DLGAP2: variants seen among roughly 807,000 people sequenced by gnomAD.
DLGAP2 encodes the protein DLG associated protein 2.
In DLGAP2, 26 loss-of-function variants were observed where a neutral mutation model predicts 100.3. The observed-to-expected ratio is 0.26, with a 90% CI of 0.19 to 0.36. The LOEUF (loss-of-function observed/expected upper bound fraction) is 0.36. DLGAP2 is among the 10% of genes least tolerant of loss of function. The pLI is 1.00. For synonymous variants in DLGAP2, 886 were observed against 630.1 expected, an observed-to-expected ratio of 1.41 and a Z score of -6.08; for missense variants, 1,858 against 1,453.2, an observed-to-expected ratio of 1.28 and a Z score of -4.53.
intron 12 of DLGAP2, among the ~76,000 whole-genome samples, chr8:1,691,003 A>G (rs1229763876): frequency 6.6e-6 from 1 of 152,158 alleles, no homozygotes; most frequent in Non-Finnish European, 1.5e-5. Flanking sequence ...TTCCTACGTA[A>G]CACACACCTC....
At chr8:1,265,431 G>A (rs1355502135) in intron 3 of DLGAP2, among the ~76,000 whole-genome samples, 1 of 152,116 alleles carries the variant, frequency 6.6e-6, no homozygotes, top group African/African-American at 2.4e-5. Flanking sequence ...AAATATAAAG[G>A]GAAATAGAAG....
At chr8:1,355,407 C>T (rs182197989) in intron 3 of DLGAP2, among the ~76,000 whole-genome samples, 5 of 152,158 alleles carry the variant, frequency 3.3e-5, no homozygotes, top group African/African-American at 1.2e-4. Context: ...CTCTGTCACC[C>T]AGGTTGGAGT....
intron 2 of DLGAP2, among the ~76,000 whole-genome samples, chr8:1,125,590 A>G (rs1796146186): frequency 6.6e-6 from 1 of 152,238 alleles, no homozygotes; most frequent in African/African-American, 2.4e-5. Flanking sequence ...TCTGATTCAA[A>G]TCTAACATTA....
intron 3 of DLGAP2, among the ~76,000 whole-genome samples, chr8:1,260,085 CTG>C (rs1415846269): frequency 6.6e-6 from 1 of 152,020 alleles, no homozygotes; most frequent in Non-Finnish European, 1.5e-5. Context: ...CGGGTGGAGC[CTG>C]GGATGCTGGT....
Position 1,251,451 on chromosome 8 carries a change from A to G in DLGAP2, c.74-7400A>G, listed in dbSNP as rs539823767. ...ATCCACAAATTGTATTTACTGATTT[A>G]TTTTTGAGACAGGGTCTCTGTCTGT... On this transcript the variant is annotated intron_variant, in intron 2 of 14. Transcript: ENST00000637795. 3.3e-5 allele frequency among the ~76,000 whole-genome samples: 5 copies of G among 152,260 alleles called. No homozygotes were observed. In the South Asian group the frequency reaches 8.3e-4, roughly 25 times the overall value.
chr8:1,585,456 A>G lies in DLGAP2; in HGVS notation c.1442+19562A>G, dbSNP rs901252314. Among the ~76,000 whole-genome samples, 4 of 152,162 alleles carry G rather than the reference A, an allele frequency of 2.6e-5. No homozygotes were observed. The East Asian group carries it at 7.7e-4, about 29-fold the overall frequency. ...TCCAGCCTGGGCAAAAGACCGAAAA[A>G]GAAAAAAAAATACTCCTTAGGGCTG... On this transcript the variant is annotated intron_variant, in intron 6 of 14. Transcript: ENST00000637795.
At chr8:1,325,965 A>G (rs1022795239) in intron 3 of DLGAP2, among the ~76,000 whole-genome samples, 12 of 152,168 alleles carry the variant, frequency 7.9e-5, no homozygotes, top group African/African-American at 2.2e-4. Context: ...TATAAGGCCC[A>G]TGGGAATGTG....
intron 6 of DLGAP2, among the ~76,000 whole-genome samples, chr8:1,570,980 G>GA (rs1802640941): frequency 6.9e-6 from 1 of 145,356 alleles, no homozygotes. Flanking sequence ...GAACTGTGGG[G>GA]CGTCTGATGA....
At chr8:1,173,577 C>A (rs1797179719) in intron 2 of DLGAP2, among the ~76,000 whole-genome samples, 1 of 152,174 alleles carries the variant, frequency 6.6e-6, no homozygotes, top group South Asian at 2.1e-4. Context: ...CTAAGCAAGC[C>A]TGGGCAATGG....
At chr8:1,556,580 C>T (rs753492717) in intron 5 of DLGAP2, among the ~76,000 whole-genome samples, 1 of 152,170 alleles carries the variant, frequency 6.6e-6, no homozygotes, top group Non-Finnish European at 1.5e-5. Context: ...TGTGAATGAT[C>T]CTGGAAGGGC....
At chr8:766,134 T>G (rs371745752) in intron 1 of DLGAP2, among the ~76,000 whole-genome samples, 8 of 152,050 alleles carry the variant, frequency 5.3e-5, no homozygotes, top group African/African-American at 1.7e-4. Flanking sequence ...GCCATTACAC[T>G]CCAGCCTGAG....
At chr8:1,295,695 A>T (rs1800156619) in intron 3 of DLGAP2, among the ~76,000 whole-genome samples, 1 of 152,104 alleles carries the variant, frequency 6.6e-6, no homozygotes, top group East Asian at 1.9e-4. Context: ...AAATAGAAGA[A>T]AACCCACTCC....
intron 3 of DLGAP2, among the ~76,000 whole-genome samples, chr8:1,282,173 C>A (rs78883750): frequency 0.068 from 10,076 of 148,368 alleles, 1,074 homozygotes; most frequent in African/African-American, 0.23. Flanking sequence ...GTGGTGTGAC[C>A]TGAACCCAGC....
chr8:1,549,856 T>G (rs1293859469), intron 5 of DLGAP2, among the ~76,000 whole-genome samples, 173 bp downstream of exon 5: 1 of 152,264 alleles, frequency 6.6e-6, no homozygotes, highest in Non-Finnish European at 1.5e-5. Context: ...ACACACGCAT[T>G]ACCTTACATA....
chr8:846,060 A>G (rs1010417537), intron 1 of DLGAP2, among the ~76,000 whole-genome samples: 1 of 152,248 alleles, frequency 6.6e-6, no homozygotes, highest in East Asian at 1.9e-4. Context: ...GTTTTAATAC[A>G]TGTATAAATT....
chr8:1,324,471 G>C (rs1007582911), intron 3 of DLGAP2, among the ~76,000 whole-genome samples: 1 of 152,134 alleles, frequency 6.6e-6, no homozygotes, highest in Non-Finnish European at 1.5e-5. Context: ...GCGTTCAAGC[G>C]ACATGTTTCC....
intron 6 of DLGAP2, among the ~76,000 whole-genome samples, chr8:1,567,952 A>G (rs546561119): frequency 1.3e-5 from 2 of 152,300 alleles, no homozygotes; most frequent in East Asian, 3.9e-4. Context: ...AATGGGTGAG[A>G]TGTGCTGCCT....
intron 2 of DLGAP2, among the ~76,000 whole-genome samples, chr8:1,144,257 C>G (rs1453931599): frequency 6.6e-6 from 1 of 152,202 alleles, no homozygotes; most frequent in Non-Finnish European, 1.5e-5. Context: ...TATCTGGACA[C>G]AGATGGAGAA....
In DLGAP2 at chr8:1,647,488, C is replaced by CAAAAAA. The variant is rs567451595; in HGVS notation, c.1810+14475_1810+14480dup. 1.4e-3 allele frequency among the ~76,000 whole-genome samples: 62 copies of CAAAAAA among 44,972 alleles called. 17 individuals are homozygous for CAAAAAA. Among genetic ancestry groups the CAAAAAA allele is most frequent in the Non-Finnish European group, 3.0e-3 (51 of 17,208 alleles). 29.5% of individuals were successfully genotyped at this position (44,972 alleles called of 152,430 possible). A position where few individuals can be genotyped will look rare whatever the true frequency, so the allele number is the denominator to read the frequency against. ...TGGGAGACAGAGAGAGACTCTGTCT[C>CAAAAAA]AAAAAAAAAAAAAAAAAAAAAAAAA... On this transcript the variant is annotated intron_variant, in intron 8 of 14. Coordinates refer to ENST00000637795, the MANE Select transcript of DLGAP2 (RefSeq NM_001346810.2).
Sources: allele counts gnomAD v4.1 joint callset (sites outside exome capture counted in the v4.1 genomes callset), GRCh38; gene constraint gnomAD v4.1.1; transcripts MANE v1.5; gene names NCBI Gene and HGNC (gene_info 2026-07-23, HGNC 2026-07-21).